Variants in GRID2 observed in about 807,000 individuals in gnomAD.
GRID2 encodes glutamate ionotropic receptor delta type subunit 2, also known as glutamate receptor ionotropic, delta-2.
A neutral mutation model predicts 114.8 loss-of-function variants in GRID2; 33 were observed. That is an observed-to-expected ratio of 0.29 (90% CI 0.22 to 0.38). The LOEUF (loss-of-function observed/expected upper bound fraction) is 0.38. GRID2 is among the 10% of genes least tolerant of loss of function. The pLI, the probability that GRID2 is intolerant of heterozygous loss-of-function variation, is 1.00. For missense variants in GRID2, 1,184 were observed against 1,257.7 expected (o/e 0.94, Z 0.89); for synonymous variants, 505 against 449.9 (o/e 1.12, Z -1.55).
chr4:92,540,404 T>C (rs1393643013), intron 1 of GRID2, among the ~76,000 whole-genome samples: 1 of 152,112 alleles, frequency 6.6e-6, no homozygotes, highest in East Asian at 1.9e-4. Flanking sequence ...TCATCTGATA[T>C]AGGGCTAATA....
chr4:93,619,503 G>T (rs1268232607), intron 13 of GRID2, among the ~76,000 whole-genome samples: 1 of 152,194 alleles, frequency 6.6e-6, no homozygotes, highest in Non-Finnish European at 1.5e-5. Context: ...AAAGAAGTTT[G>T]CAGCTTAGTG....
chr4:93,103,673 T>C (rs997534669), intron 3 of GRID2, among the ~76,000 whole-genome samples: 2 of 152,004 alleles, frequency 1.3e-5, no homozygotes, highest in Admixed American at 6.6e-5. Context: ...GAGATTATAA[T>C]CTTGGCAGTG....
At chr4:92,567,424 C>T (rs1352515874) in intron 1 of GRID2, among the ~76,000 whole-genome samples, 1 of 152,004 alleles carries the variant, frequency 6.6e-6, no homozygotes, top group African/African-American at 2.4e-5. Flanking sequence ...AGATTCACGG[C>T]ATATTTGAAT....
chr4:93,486,915 C>G (rs1337729690), intron 11 of GRID2, among the ~76,000 whole-genome samples: 2 of 151,642 alleles, frequency 1.3e-5, no homozygotes, highest in Non-Finnish European at 3.0e-5. Flanking sequence ...AAATTAATTA[C>G]TCCCTCATAT....
At chr4:93,149,685 G>A (rs149237800) in intron 4 of GRID2, among the ~76,000 whole-genome samples, 10 of 152,114 alleles carry the variant, frequency 6.6e-5, no homozygotes, top group Admixed American at 5.9e-4. Flanking sequence ...CAAAGCTGGA[G>A]TATGGTGGCA....
chr4:93,500,655 T>C (rs181198104), intron 12 of GRID2, among the ~76,000 whole-genome samples: 8 of 152,108 alleles, frequency 5.3e-5, no homozygotes, highest in Admixed American at 5.2e-4. Flanking sequence ...AAAAATCTGA[T>C]GCATCTGCAA....
At chr4:92,656,882 A>C (rs1331329082) in intron 2 of GRID2, among the ~76,000 whole-genome samples, 2 of 151,780 alleles carry the variant, frequency 1.3e-5, no homozygotes, top group Non-Finnish European at 3.0e-5. Flanking sequence ...GGTATATACA[A>C]ATTTTTAGAA....
At chr4:93,556,680 G>C (rs1578254180) in intron 13 of GRID2, among the ~76,000 whole-genome samples, 1 of 152,040 alleles carries the variant, frequency 6.6e-6, no homozygotes, top group African/African-American at 2.4e-5. Flanking sequence ...CACTCTTTAG[G>C]ATATTATCCA....
chr4:93,207,615 T>G (rs1298660010), intron 5 of GRID2, among the ~76,000 whole-genome samples, 158 bp downstream of exon 5: 2 of 151,874 alleles, frequency 1.3e-5, no homozygotes, highest in Non-Finnish European at 2.9e-5. Context: ...GAATGAAGAG[T>G]TTTTAAAAAT....
intron 8 of GRID2, among the ~76,000 whole-genome samples, chr4:93,274,935 G>T (rs1164927712): frequency 6.6e-6 from 1 of 151,860 alleles, no homozygotes; most frequent in Non-Finnish European, 1.5e-5. Context: ...ATACCATAAA[G>T]TTTATGCTTT....
intron 10 of GRID2, among the ~76,000 whole-genome samples, chr4:93,426,008 A>C (rs902419527): frequency 6.6e-6 from 1 of 152,140 alleles, no homozygotes; most frequent in African/African-American, 2.4e-5. Flanking sequence ...TCATTGCTAG[A>C]ATTGGAATAA....
At chr4:93,009,828 T>A (rs13131372) in intron 2 of GRID2, among the ~76,000 whole-genome samples, 2,560 of 152,186 alleles carry the variant, frequency 0.017, 41 homozygotes, top group Non-Finnish European at 0.028. Context: ...TTTGGTGAGA[T>A]GCTTAAGCCT....
intron 1 of GRID2, among the ~76,000 whole-genome samples, chr4:93,781,813 A>G (rs1734486350): frequency 6.6e-6 from 1 of 152,138 alleles, no homozygotes; most frequent in Admixed American, 6.5e-5. Flanking sequence ...AATATTTTCA[A>G]TCTGAGGTTG....
chr4:93,258,875 T>G (rs2149545234), intron 8 of GRID2: 1 of 453,982 alleles, frequency 2.2e-6, no homozygotes, highest in Admixed American at 2.4e-5. Flanking sequence ...TCATTTATTA[T>G]CCTCTCTTTT....
chr4:93,012,870 C>T (rs879605899), intron 2 of GRID2, among the ~76,000 whole-genome samples: 7 of 151,428 alleles, frequency 4.6e-5, no homozygotes, highest in Middle Eastern at 3.4e-3. Context: ...CATGTGTATA[C>T]GTGGGAATAT....
At chr4:92,903,054 T>C (rs1297678927) in intron 2 of GRID2, among the ~76,000 whole-genome samples, 1 of 151,960 alleles carries the variant, frequency 6.6e-6, no homozygotes, top group Non-Finnish European at 1.5e-5. Context: ...TCTGGTTCCA[T>C]ATTAATTTTA....
chr4:92,649,315 C>G (rs112723232), intron 2 of GRID2, among the ~76,000 whole-genome samples: 2 of 149,442 alleles, frequency 1.3e-5, no homozygotes, highest in African/African-American at 5.0e-5. Context: ...GCTTGAGAAC[C>G]AGACGAGGCA....
chr4:93,379,661 A>G (rs1219030045), intron 8 of GRID2, among the ~76,000 whole-genome samples: 2 of 152,146 alleles, frequency 1.3e-5, no homozygotes, highest in Non-Finnish European at 2.9e-5. Context: ...ATTGCATACA[A>G]AAGTGCTGGA....
At chr4:93,681,436 G>A (rs1394302906) in intron 14 of GRID2, among the ~76,000 whole-genome samples, 1 of 151,346 alleles carries the variant, frequency 6.6e-6, no homozygotes, top group Non-Finnish European at 1.5e-5. Flanking sequence ...CTACTTTAAA[G>A]TTCATGTGGA....
Sources: gnomAD v4.1 joint callset for allele counts (sites outside exome capture counted in the v4.1 genomes callset) on GRCh38, gnomAD v4.1.1 for gene constraint, MANE v1.5 for transcripts, NCBI Gene and HGNC (gene_info 2026-07-23, HGNC 2026-07-21) for gene names.